ANKS1B: variants seen among roughly 807,000 people sequenced by gnomAD.
ANKS1B encodes ankyrin repeat and sterile alpha motif domain containing 1B, also known as ankyrin repeat and sterile alpha motif domain-containing protein 1B.
In ANKS1B, 36 loss-of-function variants were observed where a neutral mutation model predicts 148.3. The ratio of observed to expected loss-of-function variants is 0.24; its 90% confidence interval spans 0.19 to 0.32. ANKS1B has a LOEUF of 0.32. Among genes scored for constraint, ANKS1B ranks in the 10% least tolerant of loss-of-function variants. The pLI is 1.00. For synonymous variants in ANKS1B, 542 were observed against 560.8 expected, an observed-to-expected ratio of 0.97 and a Z score of 0.47; for missense variants, 1,157 against 1,542.6, an observed-to-expected ratio of 0.75 and a Z score of 4.19.
At chr12:98,999,397 T>C (rs185629052) in intron 17 of ANKS1B, among the ~76,000 whole-genome samples, 17 of 152,292 alleles carry the variant, frequency 1.1e-4, no homozygotes, top group Admixed American at 9.2e-4. Context: ...CAGCGTGCCC[T>C]GGTCATTCTG....
chr12:98,840,829 G>A (rs2099401865), intron 17 of ANKS1B, among the ~76,000 whole-genome samples: 1 of 152,264 alleles, frequency 6.6e-6, no homozygotes, highest in Admixed American at 6.5e-5. Context: ...AGTAAAGCTT[G>A]CTGCCAGTTA....
At chr12:99,030,465 A>C (rs2099951381) in intron 17 of ANKS1B, among the ~76,000 whole-genome samples, 1 of 150,090 alleles carries the variant, frequency 6.7e-6, no homozygotes, top group Non-Finnish European at 1.5e-5. Flanking sequence ...CCCCCGTCTA[A>C]TGAAAAAGAA....
chr12:99,526,636 A>T (rs1367221452), intron 9 of ANKS1B, among the ~76,000 whole-genome samples: 6 of 152,160 alleles, frequency 3.9e-5, no homozygotes, highest in Non-Finnish European at 8.8e-5. Flanking sequence ...ATGAAGCTTG[A>T]TTCTTAGATA....
Position 99,443,703 on chromosome 12 carries a change from G to A in ANKS1B, c.1545C>T (p.Leu515=). ...DCSPPSPDTA[L]KNIVKVIRPQ... is the part of the protein sequence containing the mutation. ...GTCGAATGACTTTTACAATATTTTT[G>A]AGGGCAGTATCAGGGGATGGAGGTG... The change falls in exon 11 of 27, where the codon CTC becomes CTT. Residue 515 remains leucine (L), a synonymous_variant. Transcript: ENST00000683438. 1.2e-6 allele frequency: 2 copies of A among 1,612,062 alleles called. No individual in the cohort carries two copies. The highest frequency in any genetic ancestry group is 1.7e-6 in the Non-Finnish European group (2 of 1,178,734).
rs775169608 is a variant in ANKS1B at position 98,751,541 on chromosome 12, A to T, written c.3580-19T>A. ...CTAAATTCTGCAAGAAAAATGAGAA[A>T]GCATTTGCTACTGGCACACTGCAAA... On this transcript the variant is annotated intron_variant, in intron 25 of 26. Transcript: ENST00000683438. The surrounding 1 kb of genome is among the most constrained non-coding windows in gnomAD (Gnocchi z 4.3). The T allele has an allele frequency of 1.2e-6, 2 of 1,612,836 alleles. No individual in the cohort carries two copies. The highest frequency in any genetic ancestry group is 3.3e-5 in the Admixed American group (2 of 59,890).
intron 11 of ANKS1B, among the ~76,000 whole-genome samples, chr12:99,412,358 A>G (rs1290316340): frequency 6.6e-6 from 1 of 152,110 alleles, no homozygotes; most frequent in Non-Finnish European, 1.5e-5. Context: ...ACTTATTACC[A>G]TCTGGTGGGC....
At chr12:99,369,474 G>T (rs1470164341) in intron 12 of ANKS1B, among the ~76,000 whole-genome samples, 1 of 152,076 alleles carries the variant, frequency 6.6e-6, no homozygotes, top group Admixed American at 6.6e-5. Flanking sequence ...AGTGAACTCT[G>T]GATCCTGGTT....
chr12:99,217,871 C>A (rs565641071), intron 14 of ANKS1B, among the ~76,000 whole-genome samples: 81 of 152,182 alleles, frequency 5.3e-4, no homozygotes, highest in African/African-American at 1.7e-3. Flanking sequence ...GAAACTGAGG[C>A]TCAGAGTGAA....
chr12:99,086,520 A>G (rs1350584460), intron 15 of ANKS1B, among the ~76,000 whole-genome samples: 1 of 152,188 alleles, frequency 6.6e-6, no homozygotes, highest in East Asian at 1.9e-4. Context: ...TTACATGCTG[A>G]GATTCCAAAT....
At chr12:98,894,980 G>T in intron 17 of ANKS1B, 1 of 819,952 alleles carries the variant, frequency 1.2e-6, no homozygotes, top group Non-Finnish European at 1.5e-6. Flanking sequence ...GCGCGCGCCT[G>T]CCCTGGCGGC....
At chr12:99,194,442 G>A (rs1476782618) in intron 14 of ANKS1B, among the ~76,000 whole-genome samples, 1 of 151,584 alleles carries the variant, frequency 6.6e-6, no homozygotes, top group Non-Finnish European at 1.5e-5. Context: ...TTTAAAAATA[G>A]AGTTTCATAT....
chr12:98,966,941 T>C (rs917826881), intron 17 of ANKS1B, among the ~76,000 whole-genome samples: 1 of 151,448 alleles, frequency 6.6e-6, no homozygotes, highest in African/African-American at 2.4e-5. Flanking sequence ...CTAATGTAAA[T>C]GACGAGTAAA....
At chr12:99,418,277 G>A (rs2094968187) in intron 11 of ANKS1B, among the ~76,000 whole-genome samples, 1 of 151,964 alleles carries the variant, frequency 6.6e-6, no homozygotes, top group Non-Finnish European at 1.5e-5. Context: ...ATAATCAGGG[G>A]ATACAAATTA....
intron 17 of ANKS1B, among the ~76,000 whole-genome samples, chr12:98,989,940 A>G (rs572884030): frequency 6.6e-6 from 1 of 152,032 alleles, no homozygotes; most frequent in East Asian, 1.9e-4. Flanking sequence ...AGAAAGAGAA[A>G]GAAGGAAAAG....
In ANKS1B at chr12:98,779,017, G is replaced by T. The variant is rs117398501; in HGVS notation, c.3441+2100C>A. 4.1e-4 allele frequency among the ~76,000 whole-genome samples: 62 copies of T among 152,292 alleles called. No individual in the cohort carries two copies. In the East Asian group the frequency reaches 0.011, roughly 26 times the overall value. On this transcript the variant is annotated intron_variant, in intron 24 of 26. Coordinates refer to ENST00000683438, the MANE Select transcript of ANKS1B (RefSeq NM_001352186.2). ...AGGCACATGTTGTCATACATTCACA[G>T]ACTGGCTCCACTTGCCACCAACATA...
At chr12:99,004,117 A>G (rs1210137015) in intron 17 of ANKS1B, among the ~76,000 whole-genome samples, 1 of 152,212 alleles carries the variant, frequency 6.6e-6, no homozygotes, top group Non-Finnish European at 1.5e-5. Context: ...TGAGGGAAAG[A>G]GTCAGTCAAT....
At chr12:99,901,353 A>C (rs1603447915) in intron 1 of ANKS1B, among the ~76,000 whole-genome samples, 3 of 152,234 alleles carry the variant, frequency 2.0e-5, no homozygotes, top group Non-Finnish European at 4.4e-5. Flanking sequence ...CACATTTAGC[A>C]ATTATCTCAA....
intron 9 of ANKS1B, among the ~76,000 whole-genome samples, chr12:99,525,536 T>C (rs1173992728): frequency 1.3e-5 from 2 of 152,130 alleles, no homozygotes; most frequent in Admixed American, 6.6e-5. Flanking sequence ...AAAAAATACT[T>C]TAAAAGAAGG....
chr12:99,768,291 A>G (rs565359507), intron 8 of ANKS1B, among the ~76,000 whole-genome samples: 3 of 152,200 alleles, frequency 2.0e-5, no homozygotes, highest in Non-Finnish European at 4.4e-5. Flanking sequence ...ACATACAGAA[A>G]TGTTTTCCAC....
Sources: allele counts gnomAD v4.1 joint callset (sites outside exome capture counted in the v4.1 genomes callset), GRCh38; gene constraint gnomAD v4.1.1; non-coding constraint Gnocchi (gnomAD v3.1); transcripts MANE v1.5; gene names NCBI Gene and HGNC (gene_info 2026-07-23, HGNC 2026-07-21).